MTRES1: variants seen among roughly 807,000 people sequenced by gnomAD.
MTRES1 encodes the protein uncharacterized protein C6orf203.
In MTRES1, 11 loss-of-function variants were observed where a neutral mutation model predicts 17.4. The observed-to-expected ratio is 0.63, with a 90% CI of 0.40 to 1.05. The LOEUF is 1.05. Ranked by LOEUF, MTRES1 falls within the 50% of genes least tolerant of loss-of-function variation. The probability of loss-of-function intolerance (pLI) is 0.00; values close to 1 mark genes in which losing one functional copy is unlikely to be tolerated. For missense variants in MTRES1, 268 were observed against 276.2 expected, an observed-to-expected ratio of 0.97 and a Z score of 0.21; for synonymous variants, 94 against 99.6, an observed-to-expected ratio of 0.94 and a Z score of 0.34.
intron 3 of MTRES1, 94 bp from the exon 4 acceptor site, chr6:107,050,963 C>CA (rs1774583029): frequency 2.0e-6 from 2 of 1,022,748 alleles, no homozygotes; most frequent in Admixed American, 4.1e-5. Flanking sequence ...TCCTCTGGGT[C>CA]ATGATCATGT....
chr6:107,039,568 C>T (rs1423961243), intron 1 of MTRES1, among the ~76,000 whole-genome samples, 181 bp from the exon 2 acceptor site: 1 of 152,150 alleles, frequency 6.6e-6, no homozygotes, highest in Non-Finnish European at 1.5e-5. Context: ...GATCCACCCA[C>T]CTCAGCCTCC....
chr6:107,037,269 C>A (rs988128631), intron 1 of MTRES1, among the ~76,000 whole-genome samples: 1 of 152,076 alleles, frequency 6.6e-6, no homozygotes, highest in African/African-American at 2.4e-5. Context: ...GGGGTTTCAC[C>A]ATGTTGGCCA....
In MTRES1 at chr6:107,045,074, A is replaced by T. The variant is rs532453044; in HGVS notation, c.543+742A>T. ...GTGGTGGCAGGCGCTTGTCCCAGCT[A>T]CTCAGGAGGCTGAGACGGGAGGATT... On this transcript the variant is annotated intron_variant, in intron 3 of 3. Coordinates refer to ENST00000311381, the MANE Select transcript of MTRES1 (RefSeq NM_016487.5). 1.3e-3 allele frequency among the ~76,000 whole-genome samples: 199 copies of T among 152,064 alleles called. 3 individuals carry two copies. Among genetic ancestry groups the T allele is most frequent in the African/African-American group, 4.7e-3 (194 of 41,498 alleles).
intron 1 of MTRES1, 119 bp from the exon 2 acceptor site, chr6:107,039,630 T>G: frequency 8.8e-7 from 1 of 1,135,846 alleles, no homozygotes; most frequent in Non-Finnish European, 1.2e-6. Flanking sequence ...CAATAGGACT[T>G]TTTAGGGGCG....
intron 2 of MTRES1, 113 bp downstream of exon 2, chr6:107,040,343 C>A: frequency 1.1e-6 from 1 of 892,792 alleles, no homozygotes; most frequent in Non-Finnish European, 1.6e-6. Context: ...ATAAAAGGAC[C>A]TTTGTAGGTA....
chr6:107,048,007 A>C (rs1372904892), intron 3 of MTRES1, among the ~76,000 whole-genome samples: 1 of 152,222 alleles, frequency 6.6e-6, no homozygotes, highest in Non-Finnish European at 1.5e-5. Flanking sequence ...AGGCTACAGT[A>C]CACTATGATT....
rs1450743537 is a variant in MTRES1, at chr6:107,039,942, A to G, written c.182A>G (p.Asn61Ser). 1 of 1,613,812 alleles carries G rather than the reference A, an allele frequency of 6.2e-7. No individual in the cohort carries two copies. The highest frequency in any genetic ancestry group is 8.5e-7 in the Non-Finnish European group (1 of 1,179,822). ...CCAAATTATAAAACACTTTTTTATA[A>G]TATTTTCTCACTGAGACTCCCAGGG... ...RAPNYKTLFY[N>S]IFSLRLPGLL... The change falls in exon 2 of 4, where the codon AAT (asparagine) becomes AGT (serine). Residue 61 changes from asparagine (N) to serine (S), a missense_variant. Coordinates refer to ENST00000311381, the MANE Select transcript of MTRES1 (RefSeq NM_016487.5).
At position 107,044,251 on chromosome 6, in the gene MTRES1, G is replaced by T. The variant is rs782609653; in HGVS notation, c.471-9G>T. The T allele has an allele frequency of 1.3e-5, 21 of 1,607,648 alleles. No homozygotes were observed. Among genetic ancestry groups the T allele is most frequent in the Admixed American group, 1.0e-4 (6 of 58,526 alleles). On this transcript the variant is annotated splice_polypyrimidine_tract_variant and intron_variant, in intron 2 of 3. Coordinates refer to ENST00000311381, the MANE Select transcript of MTRES1 (RefSeq NM_016487.5). Reference sequence around the variant, plus strand: ...ATTGTGTACATTGTTGCTTTTTTTTGTTTTGTAGCAAAGTGGAAGATGCTT... The same window carrying T: ...ATTGTGTACATTGTTGCTTTTTTTTTTTTTGTAGCAAAGTGGAAGATGCTT...
At position 107,051,295 on chromosome 6, in the gene MTRES1, A is replaced by C; in HGVS notation, c.*59A>C. On this transcript the variant is annotated 3_prime_UTR_variant, in exon 4 of 4. Transcript: ENST00000311381. ...AGTGGTAAAGGAAGGGGTCACCTGA[A>C]AAATAGGACATTTTTATTAAAATAA... 1 of 1,348,208 alleles carries C rather than the reference A, an allele frequency of 7.4e-7. No homozygotes were observed. The highest frequency in any genetic ancestry group is 1.0e-6 in the Non-Finnish European group (1 of 975,444). 83.5% of individuals were successfully genotyped at this position (1,348,208 alleles called of 1,614,324 possible). A position where few individuals can be genotyped will look rare whatever the true frequency, so the allele number is the denominator to read the frequency against.
intron 3 of MTRES1, among the ~76,000 whole-genome samples, chr6:107,050,551 CTTTTTTTTTTT>C (rs142268482): frequency 3.7e-5 from 3 of 81,516 alleles, no homozygotes; most frequent in Admixed American, 3.4e-4. Flanking sequence ...CTCTCCCTTT[CTTTTTTTTTTT>C]TTTTTTTTTT....
In MTRES1 at chr6:107,039,938, T is replaced by A. The variant is rs1373000782; in HGVS notation, c.178T>A (p.Tyr60Asn). 1.2e-6 allele frequency: 2 copies of A among 1,613,772 alleles called. No homozygotes were observed. Among genetic ancestry groups the A allele is most frequent in the Non-Finnish European group, 1.7e-6 (2 of 1,179,804 alleles). ...LRAPNYKTLF[Y>N]NIFSLRLPGL... ...TGCACCAAATTATAAAACACTTTTT[T>A]ATAATATTTTCTCACTGAGACTCCC... The change falls in exon 2 of 4, where the codon TAT becomes AAT. Residue 60 changes from tyrosine to asparagine, a missense_variant. Coordinates refer to ENST00000311381, the MANE Select transcript of MTRES1 (RefSeq NM_016487.5).
intron 2 of MTRES1, among the ~76,000 whole-genome samples, chr6:107,043,195 G>T (rs567828156): frequency 1.3e-5 from 2 of 152,066 alleles, no homozygotes; most frequent in African/African-American, 4.8e-5. Flanking sequence ...TTACCCAGGC[G>T]TGGTGGCGGG....
At chr6:107,046,428 T>C (rs1452674678) in intron 3 of MTRES1, among the ~76,000 whole-genome samples, 1 of 149,204 alleles carries the variant, frequency 6.7e-6, no homozygotes, top group South Asian at 2.2e-4. Flanking sequence ...CTGCCTTCCA[T>C]GTTTCTTGTG....
chr6:107,042,967 A>G (rs1774268712), intron 2 of MTRES1, among the ~76,000 whole-genome samples: 2 of 152,174 alleles, frequency 1.3e-5, no homozygotes, highest in South Asian at 4.1e-4. Context: ...TGTTTCAGAT[A>G]CACATCAGAG....
chr6:107,039,660 A>G (rs1343536319), intron 1 of MTRES1, 89 bp from the exon 2 acceptor site: 111 of 1,374,572 alleles, frequency 8.1e-5, no homozygotes, highest in Non-Finnish European at 1.0e-4. Flanking sequence ...AGTACTGTAC[A>G]TAAAGCGTTC....
intron 3 of MTRES1, among the ~76,000 whole-genome samples, chr6:107,050,021 C>T (rs1467414098): frequency 6.6e-6 from 1 of 152,130 alleles, no homozygotes; most frequent in Non-Finnish European, 1.5e-5. Flanking sequence ...GTGCTCGGCC[C>T]TGTTTGGCCC....
chr6:107,041,108 C>T (rs1445479415), intron 2 of MTRES1, among the ~76,000 whole-genome samples: 2 of 151,248 alleles, frequency 1.3e-5, no homozygotes, highest in African/African-American at 4.9e-5. Flanking sequence ...CGCCTGTAGT[C>T]CCAGCTACTC....
At chr6:107,051,035 T>C in intron 3 of MTRES1, 22 bp from the exon 4 acceptor site, 1 of 1,528,726 alleles carries the variant, frequency 6.5e-7, no homozygotes, top group Non-Finnish European at 8.9e-7. Context: ...TAACCAAGCC[T>C]CTGTTTTCTT....
intron 1 of MTRES1, among the ~76,000 whole-genome samples, chr6:107,035,190 A>T (rs892859720): frequency 6.6e-6 from 1 of 151,598 alleles, no homozygotes. Flanking sequence ...CTGGAGTGCA[A>T]TGACACAATC....
Sources: gnomAD v4.1 joint callset for allele counts (sites outside exome capture counted in the v4.1 genomes callset) on GRCh38, gnomAD v4.1.1 for gene constraint, MANE v1.5 for transcripts, NCBI Gene and HGNC (gene_info 2026-07-23, HGNC 2026-07-21) for gene names.